APIP: variants seen among roughly 807,000 people sequenced by gnomAD.
APIP encodes methylthioribulose-1-phosphate dehydratase.
APIP carries 32 observed loss-of-function variants against 32.0 expected under a neutral mutation model. That is an observed-to-expected ratio of 1.00 (90% CI 0.76 to 1.34). The LOEUF (loss-of-function observed/expected upper bound fraction) is 1.34, where lower values mean the gene tolerates loss of function less well. Ranked by LOEUF, APIP falls within the 40% of genes most tolerant of loss-of-function variation. APIP has a pLI of 0.00. For synonymous variants in APIP, 92 were observed against 94.8 expected (o/e 0.97, Z 0.17); for missense variants, 247 against 298.6 (o/e 0.83, Z 1.27).
chr11:34,901,164 A>G (rs561305025), intron 1 of APIP, among the ~76,000 whole-genome samples: 1 of 152,136 alleles, frequency 6.6e-6, no homozygotes, highest in South Asian at 2.1e-4. Flanking sequence ...CAGAGGCTCT[A>G]GTAGCAGTGG....
At chr11:34,902,045 T>C (rs529327153) in intron 1 of APIP, among the ~76,000 whole-genome samples, 2 of 152,330 alleles carry the variant, frequency 1.3e-5, no homozygotes, top group South Asian at 4.1e-4. Flanking sequence ...GCCTCATTAA[T>C]GAAGCTGTAG....
At chr11:34,910,922 A>C (rs72930458) in intron 1 of APIP, among the ~76,000 whole-genome samples, 33,792 of 152,112 alleles carry the variant, frequency 0.22, 4,925 homozygotes, top group Non-Finnish European at 0.34. Flanking sequence ...AATAGCTTTC[A>C]GTTTCTTTGT....
intron 1 of APIP, 168 bp downstream of exon 1, chr11:34,916,060 G>T (rs1221064743): frequency 5.7e-6 from 5 of 876,198 alleles, no homozygotes; most frequent in African/African-American, 1.7e-5. Flanking sequence ...TCGCAGCCTT[G>T]CTTCCGAACG....
intron 1 of APIP, among the ~76,000 whole-genome samples, chr11:34,913,130 C>T (rs1317549733): frequency 6.6e-6 from 1 of 152,194 alleles, no homozygotes; most frequent in Non-Finnish European, 1.5e-5. Flanking sequence ...TGGATGCCTG[C>T]CACGGCTTCC....
At chr11:34,903,395 T>C (rs1189735315) in intron 1 of APIP, among the ~76,000 whole-genome samples, 1 of 152,222 alleles carries the variant, frequency 6.6e-6, no homozygotes, top group Non-Finnish European at 1.5e-5. Flanking sequence ...GCTGAGCTAA[T>C]AGCTCTTACA....
intron 1 of APIP, among the ~76,000 whole-genome samples, chr11:34,898,628 G>C (rs894047686): frequency 6.6e-6 from 1 of 151,764 alleles, no homozygotes; most frequent in African/African-American, 2.4e-5. Flanking sequence ...CAGGAATGCT[G>C]TTGCAATCTT....
At chr11:34,900,083 C>T (rs1853350645) in intron 1 of APIP, among the ~76,000 whole-genome samples, 1 of 152,086 alleles carries the variant, frequency 6.6e-6, no homozygotes, top group Non-Finnish European at 1.5e-5. Context: ...CTTGGTGGAG[C>T]CTTGATTTTA....
Position 34,890,681 on chromosome 11 carries a change from G to T in APIP, c.159-129C>A. The T allele has an allele frequency of 6.5e-6, 6 of 929,276 alleles. No individual in the cohort carries two copies. The South Asian group carries it at 1.1e-4, about 17-fold the overall frequency. The allele number at this position is 929,276 out of a possible 1,614,324, so 57.6% of individuals were successfully genotyped here. A position where few individuals can be genotyped will look rare whatever the true frequency, so the allele number is the denominator to read the frequency against. ...CAGCCAGTTGCTTGATTTAATTATG[G>T]ATTTTGGCTGCATAGAAAGAAAGCC... is the stretch of plus-strand genomic sequence containing the variant. On this transcript the variant is annotated intron_variant, in intron 2 of 6. Coordinates refer to ENST00000395787, the MANE Select transcript of APIP (RefSeq NM_015957.4).
intron 1 of APIP, chr11:34,915,751 A>T: frequency 5.5e-6 from 1 of 180,698 alleles, no homozygotes; most frequent in Non-Finnish European, 1.2e-5. Flanking sequence ...AACTGCTCAA[A>T]GGCAAAGCGC....
chr11:34,915,973 T>C, intron 1 of APIP: 1 of 577,088 alleles, frequency 1.7e-6, no homozygotes, highest in Non-Finnish European at 3.0e-6. Flanking sequence ...CTCTCAGTTA[T>C]TTGCTTCTTT....
At chr11:34,894,479 A>AC (rs1853234843) in intron 2 of APIP, among the ~76,000 whole-genome samples, 1 of 151,008 alleles carries the variant, frequency 6.6e-6, no homozygotes, top group Middle Eastern at 3.2e-3. Context: ...AAAAAAAAAA[A>AC]AAAAAAAACC....
intron 1 of APIP, among the ~76,000 whole-genome samples, chr11:34,905,035 G>A (rs931102193): frequency 1.3e-5 from 2 of 152,206 alleles, no homozygotes; most frequent in Non-Finnish European, 2.9e-5. Context: ...TATTTACTAC[G>A]CCACCCTTGC....
chr11:34,889,908 C>T (rs1474558536), intron 3 of APIP, among the ~76,000 whole-genome samples: 1 of 152,100 alleles, frequency 6.6e-6, no homozygotes, highest in Admixed American at 6.6e-5. Flanking sequence ...GATCCACATA[C>T]AGTAAAGCAT....
intron 5 of APIP, among the ~76,000 whole-genome samples, chr11:34,885,760 A>G (rs1449986439): frequency 1.3e-5 from 2 of 152,160 alleles, no homozygotes; most frequent in Admixed American, 6.5e-5. Context: ...TCCTGCATTC[A>G]TGATAAACAG....
At chr11:34,892,791 A>C (rs1300055883) in intron 2 of APIP, among the ~76,000 whole-genome samples, 2 of 152,198 alleles carry the variant, frequency 1.3e-5, no homozygotes, top group East Asian at 3.8e-4. Context: ...TTATTCTGGA[A>C]ACATAATTTA....
intron 5 of APIP, among the ~76,000 whole-genome samples, chr11:34,887,652 A>C (rs369682452): frequency 1.3e-5 from 2 of 152,196 alleles, no homozygotes; most frequent in South Asian, 2.1e-4. Flanking sequence ...TTCAGGAATG[A>C]GAATGCTAAT....
chr11:34,904,892 G>A (rs994663965), intron 1 of APIP, among the ~76,000 whole-genome samples: 6 of 152,204 alleles, frequency 3.9e-5, no homozygotes, highest in Non-Finnish European at 8.8e-5. Flanking sequence ...ATCTTAAGCT[G>A]AAAATCACAA....
At chr11:34,902,863 G>A (rs1231118459) in intron 1 of APIP, among the ~76,000 whole-genome samples, 1 of 152,136 alleles carries the variant, frequency 6.6e-6, no homozygotes. Flanking sequence ...ACAGTCAATG[G>A]GTTACCTAAG....
In APIP at chr11:34,888,438, G is replaced by A; in HGVS notation, c.326-10C>T. The A allele has an allele frequency of 6.2e-7, 1 of 1,603,194 alleles. No homozygotes were observed. Among genetic ancestry groups the A allele is most frequent in the Non-Finnish European group, 8.5e-7 (1 of 1,176,752 alleles). ...ATCACTGCACCTGCTCCTGAAGGAGGAAGAAGAAAGCCGCATGCTCAATGA... is the reference window on the plus strand; with the variant it reads ...ATCACTGCACCTGCTCCTGAAGGAGAAAGAAGAAAGCCGCATGCTCAATGA... On this transcript the variant is annotated splice_polypyrimidine_tract_variant and intron_variant, in intron 4 of 6. Coordinates refer to ENST00000395787, the MANE Select transcript of APIP (RefSeq NM_015957.4).
Sources: gnomAD v4.1 joint callset for allele counts (sites outside exome capture counted in the v4.1 genomes callset) on GRCh38, gnomAD v4.1.1 for gene constraint, MANE v1.5 for transcripts, NCBI Gene and HGNC (gene_info 2026-07-23, HGNC 2026-07-21) for gene names.